The following MYBL2 variants were observed in gnomAD, a reference collection of about 807,000 sequenced individuals.
MYBL2 encodes the protein MYB proto-oncogene like 2.
A neutral mutation model predicts 79.9 loss-of-function variants in MYBL2; 28 were observed. That is an observed-to-expected ratio of 0.35 (90% CI 0.26 to 0.48). The LOEUF is 0.48. MYBL2 is among the 20% of genes least tolerant of loss of function. The pLI is 0.99. For synonymous variants in MYBL2, 378 were observed against 361.2 expected (o/e 1.05, Z -0.53); for missense variants, 735 against 893.9 (o/e 0.82, Z 2.27).
intron 2 of MYBL2, among the ~76,000 whole-genome samples, chr20:43,678,872 A>C (rs1186437000): frequency 6.5e-5 from 8 of 122,598 alleles, no homozygotes; most frequent in Non-Finnish European, 1.1e-4. Flanking sequence ...AAAAAAAAAA[A>C]AAGAAAAAAA....
chr20:43,690,984 C>A (rs188219), intron 5 of MYBL2, among the ~76,000 whole-genome samples: 141,863 of 152,316 alleles, frequency 0.93, 66,223 homozygotes, highest in African/African-American at 0.97. Context: ...TTCTCTGCTA[C>A]TCTACTCTGT....
intron 1 of MYBL2, among the ~76,000 whole-genome samples, chr20:43,667,968 C>T (rs914458604): frequency 6.6e-6 from 1 of 151,992 alleles, no homozygotes; most frequent in African/African-American, 2.4e-5. Flanking sequence ...GAGAGAGAGT[C>T]CCTGGGGCAA....
At chr20:43,705,067 C>G in intron 8 of MYBL2, 152 bp from the exon 9 acceptor site, 1 of 936,890 alleles carries the variant, frequency 1.1e-6, no homozygotes, top group Non-Finnish European at 1.6e-6. Context: ...AGTCCTTGTT[C>G]TCGGGTGTCT....
At chr20:43,697,088 C>CA (rs1311285229) in intron 6 of MYBL2, among the ~76,000 whole-genome samples, 7 of 139,460 alleles carry the variant, frequency 5.0e-5, no homozygotes, top group African/African-American at 7.8e-5. Flanking sequence ...TTTTCATAAG[C>CA]ATTGCCGAAT....
chr20:43,678,245 T>C (rs1192599786), intron 2 of MYBL2, among the ~76,000 whole-genome samples: 2 of 151,310 alleles, frequency 1.3e-5, no homozygotes, highest in Non-Finnish European at 2.9e-5. Flanking sequence ...CCTCCACTAT[T>C]GTCCTGTGAC....
At chr20:43,699,724 G>C (rs563412863) in intron 6 of MYBL2, 33 bp from the exon 7 acceptor site, 1 of 1,609,636 alleles carries the variant, frequency 6.2e-7, no homozygotes, top group Non-Finnish European at 8.5e-7. Flanking sequence ...ATATCTCAGC[G>C]AAATGCAAAT....
intron 5 of MYBL2, among the ~76,000 whole-genome samples, chr20:43,688,074 T>C (rs1464194035): frequency 1.3e-5 from 2 of 152,014 alleles, no homozygotes; most frequent in African/African-American, 4.8e-5. Context: ...TCTTTTCTCC[T>C]ATTTTTCATC....
intron 6 of MYBL2, among the ~76,000 whole-genome samples, chr20:43,697,218 A>G (rs1159977948): frequency 6.6e-6 from 1 of 152,246 alleles, no homozygotes; most frequent in East Asian, 1.9e-4. Context: ...GCCAGTTTTA[A>G]TGAGCAACAA....
At chr20:43,690,587 C>G (rs1002607558) in intron 5 of MYBL2, among the ~76,000 whole-genome samples, 1 of 152,160 alleles carries the variant, frequency 6.6e-6, no homozygotes, top group Non-Finnish European at 1.5e-5. Context: ...ACACCTTTGC[C>G]CAGTGAGCAT....
intron 9 of MYBL2, among the ~76,000 whole-genome samples, chr20:43,709,513 C>G (rs188173325): frequency 3.9e-5 from 6 of 152,306 alleles, no homozygotes; most frequent in Non-Finnish European, 8.8e-5. Context: ...TCGGTGAACT[C>G]TTGGGAGACC....
chr20:43,712,029 G>A (rs1274620964), intron 11 of MYBL2, among the ~76,000 whole-genome samples: 2 of 151,744 alleles, frequency 1.3e-5, no homozygotes, highest in Admixed American at 6.6e-5. Context: ...GAGGCGAGGC[G>A]GTCGGGATGA....
intron 1 of MYBL2, 83 bp downstream of exon 1, chr20:43,667,386 A>T: frequency 2.4e-6 from 2 of 840,960 alleles, no homozygotes; most frequent in Non-Finnish European, 1.5e-6. Context: ...GACCCTCCCC[A>T]GGCTCCCACC....
At chr20:43,680,740 A>T (rs428000) in intron 2 of MYBL2, among the ~76,000 whole-genome samples, 1 of 152,094 alleles carries the variant, frequency 6.6e-6, no homozygotes, top group Non-Finnish European at 1.5e-5. Flanking sequence ...TGATCTGCCC[A>T]CCACGGCCTC....
At chr20:43,670,273 T>C (rs1175500224) in intron 1 of MYBL2, among the ~76,000 whole-genome samples, 1 of 152,182 alleles carries the variant, frequency 6.6e-6, no homozygotes, top group East Asian at 1.9e-4. Context: ...CTGGGGGCAG[T>C]TGATTTTAAA....
At chr20:43,678,593 A>G (rs892414716) in intron 2 of MYBL2, among the ~76,000 whole-genome samples, 1 of 152,078 alleles carries the variant, frequency 6.6e-6, no homozygotes, top group African/African-American at 2.4e-5. Flanking sequence ...GCGGTGGCTC[A>G]CGCCTGTAAT....
intron 9 of MYBL2, among the ~76,000 whole-genome samples, chr20:43,708,462 C>T (rs1343321312): frequency 6.6e-6 from 1 of 152,026 alleles, no homozygotes; most frequent in African/African-American, 2.4e-5. Context: ...GAGACAAGGT[C>T]TCTCTTAGTC....
Position 43,716,305 on chromosome 20 carries a change from C to T in MYBL2, c.*218C>T. 1.6e-6 allele frequency: 1 copy of T among 640,580 alleles called. No homozygotes were observed. The allele number at this position is 640,580 out of a possible 1,614,324, so 39.7% of individuals were successfully genotyped here. A position where few individuals can be genotyped will look rare whatever the true frequency, so the allele number is the denominator to read the frequency against. ...TGGTGCTAACAACAAAGTTCCACTT[C>T]CAGGTCTGCCTGGTTCCCTCCCCAA... On this transcript the variant is annotated 3_prime_UTR_variant, in exon 14 of 14. Transcript: ENST00000217026.
intron 10 of MYBL2, among the ~76,000 whole-genome samples, chr20:43,711,014 C>T (rs1328481720): frequency 6.6e-6 from 1 of 152,166 alleles, no homozygotes; most frequent in Non-Finnish European, 1.5e-5. Context: ...CTCGCCCTCC[C>T]CTGTTCTCTG....
chr20:43,673,588 G>A (rs1287678989), intron 1 of MYBL2: 3 of 619,716 alleles, frequency 4.8e-6, no homozygotes, highest in East Asian at 3.3e-5. Context: ...AGTGAGCTAC[G>A]ATCATGCCAC....
Sources: gnomAD v4.1 joint callset for allele counts (sites outside exome capture counted in the v4.1 genomes callset) on GRCh38, gnomAD v4.1.1 for gene constraint, MANE v1.5 for transcripts, NCBI Gene and HGNC (gene_info 2026-07-23, HGNC 2026-07-21) for gene names.